The following MACF1 variants were observed in gnomAD, a reference collection of about 807,000 sequenced individuals.
The protein encoded by MACF1 is microtubule-actin cross-linking factor 1.
MACF1 carries 193 observed loss-of-function variants against 854.8 expected under a neutral mutation model. The observed-to-expected ratio is 0.23, with a 90% confidence interval of 0.20 to 0.25. The LOEUF is 0.25. Ranked by LOEUF, MACF1 falls within the 10% of genes least tolerant of loss-of-function variation. The pLI is 1.00. For synonymous variants in MACF1, 3,185 were observed against 3,226.7 expected (o/e 0.99, Z 0.44); for missense variants, 7,722 against 8,929.1 (o/e 0.86, Z 5.45).
intron 78 of MACF1, 77 bp downstream of exon 78, chr1:39,442,988 C>T: frequency 7.1e-7 from 1 of 1,416,130 alleles, no homozygotes; most frequent in Non-Finnish European, 9.7e-7. Flanking sequence ...GAGAAGAGAT[C>T]AATTTGAAAA....
At chr1:39,266,414 A>G (rs895218161) in intron 6 of MACF1, among the ~76,000 whole-genome samples, 9 of 152,044 alleles carry the variant, frequency 5.9e-5, no homozygotes, top group Non-Finnish European at 1.5e-5. Flanking sequence ...ATTTCTTACT[A>G]TAGTTTGTGA....
At chr1:39,412,205 T>C (rs1643042810) in intron 58 of MACF1, 1 of 1,613,924 alleles carries the variant, frequency 6.2e-7, no homozygotes, top group Non-Finnish European at 8.5e-7. Flanking sequence ...GAGGAGTGCA[T>C]TGAGAGGGTC....
intron 6 of MACF1, among the ~76,000 whole-genome samples, chr1:39,263,835 G>A (rs1209309538): frequency 2.8e-5 from 4 of 143,690 alleles, no homozygotes; most frequent in African/African-American, 8.0e-5. Context: ...GTGCAGTGGC[G>A]CGATTTCAGC....
chr1:39,086,257 C>A (rs995476175), intron 2 of MACF1, among the ~76,000 whole-genome samples: 1 of 152,244 alleles, frequency 6.6e-6, no homozygotes, highest in Admixed American at 6.5e-5. Context: ...TGAGCTATAA[C>A]GGAAAGTTAG....
intron 54 of MACF1, 32 bp downstream of exon 54, chr1:39,379,476 C>T: frequency 6.3e-7 from 1 of 1,585,014 alleles, no homozygotes; most frequent in Non-Finnish European, 8.6e-7. Context: ...CCTCCCAACA[C>T]CAAGAGGAAG....
At chr1:39,408,283 C>T (rs1411510035) in intron 58 of MACF1, among the ~76,000 whole-genome samples, 1 of 152,150 alleles carries the variant, frequency 6.6e-6, no homozygotes, top group East Asian at 1.9e-4. Flanking sequence ...ACTTGATATA[C>T]TTGAGAAGGG....
At chr1:39,262,397 C>CAAAAAAAAA (rs56376033) in intron 6 of MACF1, among the ~76,000 whole-genome samples, 60 of 68,746 alleles carry the variant, frequency 8.7e-4, no homozygotes, top group East Asian at 1.6e-3. Flanking sequence ...GACTCCATCA[C>CAAAAAAAAA]AAAAAAAAAA....
rs1466341555 is a variant in MACF1, at chr1:39,487,051, A to C, written c.*1257A>C. The stretch of plus-strand genomic sequence containing the variant: ...TCTATAAATGTTACCCTGGGGTATA[A>C]TCATGTTGTAGGTACTTAAATGCAT... On this transcript the variant is annotated 3_prime_UTR_variant, in exon 101 of 101. Transcript: ENST00000564288. 6.6e-6 allele frequency: 1 copy of C among 152,460 alleles called. No individual in the cohort carries two copies. Among genetic ancestry groups the C allele is most frequent in the Non-Finnish European group, 1.5e-5 (1 of 68,040 alleles). The allele number at this position is 152,460 out of a possible 1,614,324, so 9.4% of individuals were successfully genotyped here.
rs574690649 is a variant in MACF1, at chr1:39,295,144, A to G, written c.2253A>G (p.Thr751=). The change falls in exon 19 of 101, where the codon ACA becomes ACG. Residue 751 remains threonine (T), a synonymous_variant. Coordinates refer to ENST00000564288, the MANE Select transcript of MACF1 (RefSeq NM_001394062.1). The part of the protein sequence containing the change: ...LSLENHPAKQ[T]VEAYSAAVQS... ...TTGAGAACCACCCAGCCAAGCAGACAGTGGAGGTGTGTGACTTGAGAATGT... is the reference window on the plus strand; with the variant it reads ...TTGAGAACCACCCAGCCAAGCAGACGGTGGAGGTGTGTGACTTGAGAATGT... The G allele has an allele frequency of 6.2e-7, 1 of 1,613,718 alleles. No individual in the cohort carries two copies. Among genetic ancestry groups the G allele is most frequent in the South Asian group, 1.1e-5 (1 of 91,078 alleles).
chr1:39,436,834 G>T (rs1643987946), intron 70 of MACF1, among the ~76,000 whole-genome samples: 1 of 152,162 alleles, frequency 6.6e-6, no homozygotes, highest in African/African-American at 2.4e-5. Flanking sequence ...CTTTTCAGTT[G>T]TAGTCATGTT....
intron 58 of MACF1, chr1:39,414,148 TCCCCAG>T: frequency 6.2e-7 from 1 of 1,610,592 alleles, no homozygotes; most frequent in Non-Finnish European, 8.5e-7. Flanking sequence ...GGAGCCCGCC[TCCCCAG>T]CAGCAGCAGT....
At chr1:39,437,404 G>A (rs951515482) in intron 70 of MACF1, among the ~76,000 whole-genome samples, 7 of 151,642 alleles carry the variant, frequency 4.6e-5, no homozygotes, top group South Asian at 2.1e-4. Context: ...TCTGCCTCTC[G>A]GGTTCAAGTG....
chr1:39,331,357 G>T lies in MACF1; in HGVS notation c.4769G>T (p.Gly1590Val), dbSNP rs752084490. Residue 1590 changes from glycine (G) to valine (V), a missense_variant, in exon 37 of 101, where the codon GGT becomes GTT. Physicochemically the swap from Gly to Val is moderately radical, Grantham distance 109. Transcript: ENST00000564288. ...TCTGGCCTCATTGCCCCTGAGACGG[G>T]TGAAAACCTCTCTTTGGAGGAGGGC... ...IMSGLIAPETGENLSLEEGIA... is the reference protein window; with the variant it reads ...IMSGLIAPETVENLSLEEGIA... 4 of 1,613,824 alleles carry T rather than the reference G, an allele frequency of 2.5e-6. No individual in the cohort carries two copies. In the African/African-American group the frequency reaches 4.0e-5, roughly 16 times the overall value.
chr1:39,288,763 GC>G (rs1645706427), intron 15 of MACF1, among the ~76,000 whole-genome samples: 1 of 152,202 alleles, frequency 6.6e-6, no homozygotes, highest in Non-Finnish European at 1.5e-5. Flanking sequence ...CTGCGCTCCA[GC>G]CTGGGCAACA....
chr1:39,380,231 T>A lies in MACF1; in HGVS notation c.13519-13T>A. Reference sequence around the variant, plus strand: ...CCAGAATCTCATGGCATGCATGGCATTCTTTCTCCTAGGCCTTCCTGGCTG... The same window carrying A: ...CCAGAATCTCATGGCATGCATGGCAATCTTTCTCCTAGGCCTTCCTGGCTG... On this transcript the variant is annotated splice_polypyrimidine_tract_variant and intron_variant, in intron 54 of 100. Transcript: ENST00000564288. 6.2e-7 allele frequency: 1 copy of A among 1,610,558 alleles called. No individual in the cohort carries two copies. Among genetic ancestry groups the A allele is most frequent in the Non-Finnish European group, 8.5e-7 (1 of 1,178,690 alleles).
chr1:39,087,279 G>A (rs1283255629), intron 2 of MACF1, among the ~76,000 whole-genome samples: 2 of 152,242 alleles, frequency 1.3e-5, no homozygotes, highest in African/African-American at 4.8e-5. Context: ...AAGTGGGGGT[G>A]TCTGAATCAC....
At chr1:39,443,056 A>G (rs554801546) in intron 78 of MACF1, 145 bp downstream of exon 78, 2 of 752,534 alleles carry the variant, frequency 2.7e-6, no homozygotes, top group East Asian at 2.7e-5. Context: ...ACTTATCTAG[A>G]AAGAGCAGCT....
chr1:39,360,068 C>T (rs1410921813), intron 47 of MACF1, among the ~76,000 whole-genome samples: 7 of 119,544 alleles, frequency 5.9e-5, no homozygotes, highest in African/African-American at 1.6e-4. Context: ...CACACACACA[C>T]ACATATGTAT....
rs1420274397 is a variant in MACF1 at position 39,486,588 on chromosome 1, C to T, written c.*794C>T. The T allele has an allele frequency of 6.6e-6, 1 of 152,568 alleles. No individual in the cohort carries two copies. The highest frequency in any genetic ancestry group is 2.4e-5 in the African/African-American group (1 of 41,440). 9.5% of individuals were successfully genotyped at this position (152,568 alleles called of 1,614,324 possible). On this transcript the variant is annotated 3_prime_UTR_variant, in exon 101 of 101. Transcript: ENST00000564288. The stretch of plus-strand genomic sequence containing the variant: ...TGGCAAGGGATAGGCTCGTTGGTGA[C>T]ATTGTGAATTTCAGATTTGTTTTAT...
Sources: gnomAD v4.1 joint callset for allele counts (sites outside exome capture counted in the v4.1 genomes callset) on GRCh38, gnomAD v4.1.1 for gene constraint, MANE v1.5 for transcripts, NCBI Gene and HGNC (gene_info 2026-07-23, HGNC 2026-07-21) for gene names.